FGF10: variants seen among roughly 807,000 people sequenced by gnomAD.
The protein encoded by FGF10 is fibroblast growth factor 10.
In FGF10, 2 loss-of-function variants were observed where a neutral mutation model predicts 19.8. The ratio of observed to expected loss-of-function variants is 0.10; its 90% CI spans 0.04 to 0.32. The LOEUF is 0.32. FGF10 is among the 10% of genes least tolerant of loss of function. The probability of loss-of-function intolerance (pLI) is 1.00; values close to 1 mark genes in which losing one functional copy is unlikely to be tolerated. For synonymous variants in FGF10, 112 were observed against 94.0 expected, an observed-to-expected ratio of 1.19 and a Z score of -1.10; for missense variants, 191 against 246.3, an observed-to-expected ratio of 0.78 and a Z score of 1.50.
intron 1 of FGF10, among the ~76,000 whole-genome samples, chr5:44,366,354 C>T (rs1182503614): frequency 6.6e-6 from 1 of 151,760 alleles, no homozygotes; most frequent in East Asian, 1.9e-4. Flanking sequence ...CCTGCATTTT[C>T]ACAATTTTCA....
intron 1 of FGF10, among the ~76,000 whole-genome samples, chr5:44,362,585 C>G (rs1741515812): frequency 6.6e-6 from 1 of 151,598 alleles, no homozygotes; most frequent in South Asian, 2.1e-4. Context: ...TCCTCTTATC[C>G]CATATAGAGA....
intron 1 of FGF10, among the ~76,000 whole-genome samples, chr5:44,363,681 T>G (rs1741541235): frequency 6.6e-6 from 1 of 151,906 alleles, no homozygotes; most frequent in African/African-American, 2.4e-5. Flanking sequence ...CTTTCTTCAT[T>G]GAAACAGCCT....
At chr5:44,359,235 A>G (rs116364389) in intron 1 of FGF10, among the ~76,000 whole-genome samples, 1,614 of 151,624 alleles carry the variant, frequency 0.011, 31 homozygotes, top group African/African-American at 0.037. Flanking sequence ...AATGCTATTA[A>G]CTTGCATATT....
chr5:44,342,439 G>T (rs1179092469), intron 1 of FGF10, among the ~76,000 whole-genome samples: 1 of 151,198 alleles, frequency 6.6e-6, no homozygotes, highest in Non-Finnish European at 1.5e-5. Context: ...TGAATAAATT[G>T]TATCAAAAAT....
intron 1 of FGF10, among the ~76,000 whole-genome samples, chr5:44,322,448 C>T (rs1165793907): frequency 6.6e-6 from 1 of 152,142 alleles, no homozygotes; most frequent in Non-Finnish European, 1.5e-5. Context: ...CTTACCTCAG[C>T]TTTCAAAAGC....
At position 44,377,842 on chromosome 5, in the gene FGF10, T is replaced by A. The variant is rs548962977; in HGVS notation, c.325+10516A>T. Among the ~76,000 whole-genome samples, 6 of 152,350 alleles carry A rather than the reference T, an allele frequency of 3.9e-5. No homozygotes were observed. The South Asian group carries it at 6.2e-4, about 16-fold the overall frequency. On this transcript the variant is annotated intron_variant, in intron 1 of 2. Coordinates refer to ENST00000264664, the MANE Select transcript of FGF10 (RefSeq NM_004465.2). ...TACACACAGCCTGGAAGTAATTTTT[T>A]AAAATATTTTAAATCATTTTGTTCA... is the stretch of plus-strand genomic sequence containing the variant.
intron 1 of FGF10, among the ~76,000 whole-genome samples, chr5:44,317,179 A>G (rs1740370573): frequency 1.3e-5 from 2 of 152,178 alleles, no homozygotes; most frequent in South Asian, 2.1e-4. Context: ...CCTTTTTAGT[A>G]TAATGTATTT....
chr5:44,335,246 A>G (rs1185768511), intron 1 of FGF10, among the ~76,000 whole-genome samples: 3 of 152,120 alleles, frequency 2.0e-5, no homozygotes, highest in Non-Finnish European at 4.4e-5. Context: ...GCATTCATGC[A>G]TCTTTTCTTA....
At chr5:44,378,761 T>C (rs1337036553) in intron 1 of FGF10, among the ~76,000 whole-genome samples, 1 of 152,190 alleles carries the variant, frequency 6.6e-6, no homozygotes, top group Non-Finnish European at 1.5e-5. Context: ...AAACCAAGTA[T>C]ATTTCTCCTT....
chr5:44,329,189 G>C (rs1473199267), intron 1 of FGF10, among the ~76,000 whole-genome samples: 7 of 152,054 alleles, frequency 4.6e-5, no homozygotes, highest in African/African-American at 1.4e-4. Flanking sequence ...TTGTTTTGAA[G>C]TGGAGTCTCA....
intron 2 of FGF10, among the ~76,000 whole-genome samples, chr5:44,310,041 C>T (rs1245954344): frequency 6.6e-6 from 1 of 152,184 alleles, no homozygotes; most frequent in Non-Finnish European, 1.5e-5. Flanking sequence ...CTTGTTTCAT[C>T]TTCAGCCGTA....
chr5:44,300,250 T>G lies in FGF10; in HGVS notation c.*4745A>C, dbSNP rs1373757386. Among the ~76,000 whole-genome samples, 1 of 131,906 alleles carries G rather than the reference T, an allele frequency of 7.6e-6. No homozygotes were observed. The highest frequency in any genetic ancestry group is 2.8e-5 in the African/African-American group (1 of 36,052). 86.5% of individuals were successfully genotyped at this position (131,906 alleles called of 152,430 possible). On this transcript the variant is annotated 3_prime_UTR_variant, in exon 3 of 3. Coordinates refer to ENST00000264664, the MANE Select transcript of FGF10 (RefSeq NM_004465.2). ...ATGTAGTAAAAGACAAAGCAGGTTT[T>G]TTTCTGTTTTTTTTTTATTTTACAC...
chr5:44,372,001 T>C (rs1391505665), intron 1 of FGF10, among the ~76,000 whole-genome samples: 5 of 152,168 alleles, frequency 3.3e-5, no homozygotes, highest in Admixed American at 1.3e-4. Context: ...CTGCACAAAG[T>C]TGTCTTAGAT....
intron 1 of FGF10, among the ~76,000 whole-genome samples, chr5:44,317,883 A>G (rs1318047259): frequency 6.6e-6 from 1 of 152,174 alleles, no homozygotes; most frequent in Non-Finnish European, 1.5e-5. Flanking sequence ...TGAGACACAA[A>G]TGACACGTGT....
At chr5:44,355,271 A>G (rs1307022776) in intron 1 of FGF10, among the ~76,000 whole-genome samples, 1 of 151,298 alleles carries the variant, frequency 6.6e-6, no homozygotes, top group East Asian at 2.0e-4. Flanking sequence ...TGTGGCTTCA[A>G]ACTAGTATTA....
At chr5:44,385,807 C>T (rs1742084340) in intron 1 of FGF10, among the ~76,000 whole-genome samples, 1 of 152,146 alleles carries the variant, frequency 6.6e-6, no homozygotes, top group Non-Finnish European at 1.5e-5. Context: ...TGTAGTTCAG[C>T]TGAATCAGTC....
intron 1 of FGF10, among the ~76,000 whole-genome samples, chr5:44,337,728 T>C (rs983068948): frequency 3.3e-5 from 5 of 152,124 alleles, no homozygotes; most frequent in Admixed American, 2.6e-4. Flanking sequence ...GATCACGAGG[T>C]CAGGAGATCG....
chr5:44,311,035 A>G (rs1252620831), intron 1 of FGF10, among the ~76,000 whole-genome samples: 2 of 152,144 alleles, frequency 1.3e-5, no homozygotes, highest in Non-Finnish European at 2.9e-5. Flanking sequence ...TCTTGGCTAC[A>G]TTTAACTGAT....
rs748059190 is a variant in FGF10, at chr5:44,310,419, A to G, written c.429+8T>C. 6.3e-7 allele frequency: 1 copy of G among 1,589,482 alleles called. No individual in the cohort carries two copies. On this transcript the variant is annotated splice_region_variant and intron_variant, in intron 2 of 2. Transcript: ENST00000264664. ...GAGTGGATTTGAAAACAAAAGCAGA[A>G]TACTTACTGAGCCATAGAGTTTCCC...
Sources: gnomAD v4.1 joint callset for allele counts (sites outside exome capture counted in the v4.1 genomes callset) on GRCh38, gnomAD v4.1.1 for gene constraint, MANE v1.5 for transcripts, NCBI Gene and HGNC (gene_info 2026-07-23, HGNC 2026-07-21) for gene names.